ZBTB16: variants seen among roughly 807,000 people sequenced by gnomAD.
The protein encoded by ZBTB16 is zinc finger and BTB domain containing 16, also known as zinc finger and BTB domain-containing protein 16.
In ZBTB16, 8 loss-of-function variants were observed where a neutral mutation model predicts 56.8. That is an observed-to-expected ratio of 0.14 (90% CI 0.08 to 0.25). The LOEUF (loss-of-function observed/expected upper bound fraction) is 0.25. Among genes scored for constraint, ZBTB16 ranks in the 10% least tolerant of loss-of-function variants. The pLI is 1.00. For synonymous variants in ZBTB16, 363 were observed against 368.5 expected (o/e 0.98, Z 0.17); for missense variants, 625 against 903.0 (o/e 0.69, Z 3.95).
chr11:114,128,162 G>A (rs535111500), intron 2 of ZBTB16, among the ~76,000 whole-genome samples: 6 of 152,362 alleles, frequency 3.9e-5, no homozygotes, highest in African/African-American at 1.4e-4. Context: ...AGCACAGTGT[G>A]TCCACCATTG....
At chr11:114,155,424 C>G (rs1373650362) in intron 2 of ZBTB16, among the ~76,000 whole-genome samples, 1 of 152,148 alleles carries the variant, frequency 6.6e-6, no homozygotes, top group Admixed American at 6.5e-5. Context: ...CGTGCTGGCT[C>G]GTGACTGAGC....
intron 4 of ZBTB16, among the ~76,000 whole-genome samples, chr11:114,203,613 G>T (rs997893869): frequency 6.0e-5 from 9 of 149,138 alleles, no homozygotes; most frequent in African/African-American, 2.0e-4. Context: ...TAAAAGGGTG[G>T]AATTTTATGG....
At chr11:114,177,496 C>A (rs1212037773) in intron 3 of ZBTB16, among the ~76,000 whole-genome samples, 4 of 152,130 alleles carry the variant, frequency 2.6e-5, no homozygotes, top group Non-Finnish European at 5.9e-5. Flanking sequence ...GTGATCCGCC[C>A]GCCTCGGCCT....
rs574951322 is a variant in ZBTB16 at position 114,255,476 on chromosome 11, C to T, written c.*4921C>T. 6.0e-5 allele frequency among the ~76,000 whole-genome samples: 9 copies of T among 150,288 alleles called. No homozygotes were observed. The highest frequency in any genetic ancestry group is 4.2e-4 in the South Asian group (2 of 4,768). ...CCTCTCCATCTCCCTCTCCCGCCCT[C>T]CCCTCCTCCCTCTGGCTCCCCGTCT... On this transcript the variant is annotated 3_prime_UTR_variant, in exon 7 of 7. Transcript: ENST00000335953.
rs1481023461 is a variant in ZBTB16, at chr11:114,252,294, G to A, written c.*1739G>A. 6.6e-6 allele frequency among the ~76,000 whole-genome samples: 1 copy of A among 150,900 alleles called. No homozygotes were observed. The highest frequency in any genetic ancestry group is 2.0e-4 in the East Asian group (1 of 5,108). On this transcript the variant is annotated 3_prime_UTR_variant, in exon 7 of 7. Coordinates refer to ENST00000335953, the MANE Select transcript of ZBTB16 (RefSeq NM_006006.6). ...GGGCCATTGAGGTTTGAGGGCCTGT[G>A]TTTGGATCCTTGCAACTGTGTGGTC...
intron 2 of ZBTB16, among the ~76,000 whole-genome samples, chr11:114,115,578 C>T (rs1240096382): frequency 2.6e-5 from 4 of 152,032 alleles, no homozygotes; most frequent in South Asian, 2.1e-4. Context: ...TTGCTGAGGA[C>T]GTCTCCCAGT....
intron 4 of ZBTB16, among the ~76,000 whole-genome samples, chr11:114,197,731 T>C (rs1943641457): frequency 6.6e-6 from 1 of 152,096 alleles, no homozygotes; most frequent in African/African-American, 2.4e-5. Flanking sequence ...ATTTTAATTA[T>C]TATTTTTGAG....
chr11:114,106,142 C>T (rs550157598), intron 2 of ZBTB16, among the ~76,000 whole-genome samples: 106 of 152,242 alleles, frequency 7.0e-4, no homozygotes, highest in African/African-American at 2.4e-3. Flanking sequence ...AGGAGGAAAA[C>T]GCTGTTCTGG....
At chr11:114,209,663 G>C (rs1943956485) in intron 4 of ZBTB16, 2 of 985,464 alleles carry the variant, frequency 2.0e-6, no homozygotes, top group African/African-American at 3.5e-5. Flanking sequence ...GGTTAAGGAA[G>C]AGAAAAATTA....
At chr11:114,168,144 C>T (rs672849) in intron 3 of ZBTB16, among the ~76,000 whole-genome samples, 27,572 of 152,172 alleles carry the variant, frequency 0.18, 3,240 homozygotes, top group African/African-American at 0.34. Flanking sequence ...TATACTACCT[C>T]GCTTAGTAAC....
intron 4 of ZBTB16, among the ~76,000 whole-genome samples, chr11:114,201,177 C>T (rs1446834201): frequency 2.0e-5 from 3 of 152,072 alleles, no homozygotes; most frequent in Admixed American, 2.0e-4. Context: ...ATTAACTTGT[C>T]ACATTATTTT....
chr11:114,091,751 C>T (rs1031670705), intron 2 of ZBTB16, among the ~76,000 whole-genome samples: 5 of 152,034 alleles, frequency 3.3e-5, no homozygotes, highest in Non-Finnish European at 5.9e-5. Flanking sequence ...GGGTGGGTTC[C>T]AGTGCCCCAG....
At chr11:114,133,934 T>A (rs1008991061) in intron 2 of ZBTB16, among the ~76,000 whole-genome samples, 1 of 152,226 alleles carries the variant, frequency 6.6e-6, no homozygotes, top group Non-Finnish European at 1.5e-5. Context: ...AGTGAAATGT[T>A]GACATCTCCC....
At position 114,075,629 on chromosome 11, in the gene ZBTB16, G is replaced by GTATATATATATATATATA. The variant is rs10526570; in HGVS notation, c.1268+11063_1268+11080dup. On this transcript the variant is annotated intron_variant, in intron 2 of 6. Coordinates refer to ENST00000335953, the MANE Select transcript of ZBTB16 (RefSeq NM_006006.6). ...GCACCACCACACCTGGCTAATTTTTGTATATATATATATATATATTTAGTA... is the reference window on the plus strand; with the variant it reads ...GCACCACCACACCTGGCTAATTTTTGTATATATATATATATATATATATATATATATATATATTTAGTA... Among the ~76,000 whole-genome samples, 192 of 141,062 alleles carry GTATATATATATATATATA rather than the reference G, an allele frequency of 1.4e-3. 3 individuals carry two copies. The highest frequency in any genetic ancestry group is 5.2e-3 in the African/African-American group (180 of 34,692). 92.5% of individuals were successfully genotyped at this position (141,062 alleles called of 152,430 possible). A position where few individuals can be genotyped will look rare whatever the true frequency, so the allele number is the denominator to read the frequency against.
chr11:114,070,061 G>C (rs1939271943), intron 2 of ZBTB16, among the ~76,000 whole-genome samples: 1 of 151,700 alleles, frequency 6.6e-6, no homozygotes, highest in African/African-American at 2.4e-5. Flanking sequence ...CTCTGCTGGG[G>C]CTGTTAAACA....
intron 2 of ZBTB16, among the ~76,000 whole-genome samples, chr11:114,070,250 A>G (rs1939293899): frequency 6.6e-6 from 1 of 150,956 alleles, no homozygotes; most frequent in Non-Finnish European, 1.5e-5. Flanking sequence ...CTGGGACTAC[A>G]GGCGCCCGCC....
At chr11:114,099,729 C>A (rs781619807) in intron 2 of ZBTB16, among the ~76,000 whole-genome samples, 2 of 152,190 alleles carry the variant, frequency 1.3e-5, no homozygotes, top group Non-Finnish European at 2.9e-5. Flanking sequence ...GTCTTCTTCA[C>A]GTGGCCTTCC....
At chr11:114,109,277 C>T (rs1381078065) in intron 2 of ZBTB16, among the ~76,000 whole-genome samples, 1 of 152,176 alleles carries the variant, frequency 6.6e-6, no homozygotes, top group Non-Finnish European at 1.5e-5. Context: ...ATGCTGGTTC[C>T]CCAGAAATAA....
At chr11:114,183,318 C>T (rs1354767898) in intron 3 of ZBTB16, among the ~76,000 whole-genome samples, 2 of 152,260 alleles carry the variant, frequency 1.3e-5, no homozygotes, top group East Asian at 3.9e-4. Flanking sequence ...CAGATGTGGT[C>T]AGGCTTGGGC....
Sources: gnomAD v4.1 joint callset for allele counts (sites outside exome capture counted in the v4.1 genomes callset) on GRCh38, gnomAD v4.1.1 for gene constraint, MANE v1.5 for transcripts, NCBI Gene and HGNC (gene_info 2026-07-23, HGNC 2026-07-21) for gene names.